Variants in VPS13B observed in about 807,000 individuals in gnomAD.
VPS13B encodes the protein vacuolar protein sorting 13 homolog B, also known as intermembrane lipid transfer protein VPS13B.
Under a neutral mutation model 426.4 loss-of-function variants are expected in VPS13B, and 285 were observed. That is an observed-to-expected ratio of 0.67 (90% CI 0.61 to 0.74). The LOEUF (loss-of-function observed/expected upper bound fraction) is 0.74, where lower values mean the gene tolerates loss of function less well. VPS13B is among the 30% of genes least tolerant of loss of function. The pLI is 0.00. For missense variants in VPS13B, 4,537 were observed against 4,782.6 expected (o/e 0.95, Z 1.51); for synonymous variants, 1,676 against 1,676.4 (o/e 1.00, Z 0.01).
chr8:99,135,021 A>G lies in VPS13B; in HGVS notation c.1309A>G (p.Met437Val). 1.2e-6 allele frequency: 2 copies of G among 1,613,522 alleles called. No homozygotes were observed. The highest frequency in any genetic ancestry group is 1.7e-6 in the Non-Finnish European group (2 of 1,179,560). The change falls in exon 10 of 62, where the codon ATG becomes GTG. Residue 437 changes from methionine to valine, a missense_variant. Coordinates refer to ENST00000357162, the MANE Select transcript of VPS13B (RefSeq NM_152564.5). ...EQEGTTVEAL[M>V]MGEPFFDCQI... ...GTTTCCTTTCGTCTTATAGGCCCTT[A>G]TGATGGGAGAACCTTTCTTTGATTG...
intron 19 of VPS13B, among the ~76,000 whole-genome samples, chr8:99,339,884 C>T (rs976001304): frequency 6.6e-6 from 1 of 152,112 alleles, no homozygotes; most frequent in Non-Finnish European, 1.5e-5. Flanking sequence ...CAGAGTTGCT[C>T]AGTCTCATCA....
chr8:99,208,541 T>C (rs1814870060), intron 17 of VPS13B, among the ~76,000 whole-genome samples: 1 of 152,164 alleles, frequency 6.6e-6, no homozygotes, highest in Non-Finnish European at 1.5e-5. Context: ...CATCTTCATA[T>C]TATATGTAAG....
intron 4 of VPS13B, among the ~76,000 whole-genome samples, chr8:99,096,837 A>G (rs1384768497): frequency 6.6e-6 from 1 of 151,964 alleles, no homozygotes; most frequent in Non-Finnish European, 1.5e-5. Context: ...TTTAAGCTAT[A>G]TGTGCATATG....
At chr8:99,100,219 C>G (rs1846655879) in intron 4 of VPS13B, among the ~76,000 whole-genome samples, 1 of 152,052 alleles carries the variant, frequency 6.6e-6, no homozygotes, top group Admixed American at 6.5e-5. Context: ...ATATTTGATT[C>G]TTTTACTTTG....
chr8:99,616,816 T>A (rs1334274401), intron 33 of VPS13B, among the ~76,000 whole-genome samples: 1 of 152,220 alleles, frequency 6.6e-6, no homozygotes, highest in African/African-American at 2.4e-5. Context: ...ATACACCAGA[T>A]ATAAATCTGT....
Position 99,611,565 on chromosome 8 carries a change from C to CA in VPS13B, c.5221-30237dup, listed in dbSNP as rs901548884. Among the ~76,000 whole-genome samples the CA allele has an allele frequency of 1.5e-4, 23 of 150,028 alleles. 2 individuals carry two copies. Among genetic ancestry groups the CA allele is most frequent in the African/African-American group, 4.6e-4 (19 of 40,950 alleles). Reference sequence around the variant, plus strand: ...ACAAATAAACCAAAAAACATACAAACAAAAAAAAACTCAAAGCTTTGGATG... The same window carrying CA: ...ACAAATAAACCAAAAAACATACAAACAAAAAAAAAACTCAAAGCTTTGGATG... On this transcript the variant is annotated intron_variant, in intron 33 of 61. Transcript: ENST00000357162.
chr8:99,438,561 C>A (rs1442733684), intron 22 of VPS13B, among the ~76,000 whole-genome samples: 1 of 152,078 alleles, frequency 6.6e-6, no homozygotes, highest in East Asian at 1.9e-4. Flanking sequence ...TTTTTAATGT[C>A]TTCTCTTGAC....
intron 23 of VPS13B, among the ~76,000 whole-genome samples, chr8:99,458,814 T>TATTAG (rs1308313264): frequency 6.6e-6 from 1 of 152,242 alleles, no homozygotes; most frequent in Non-Finnish European, 1.5e-5. Context: ...AGATTCTGGA[T>TATTAG]ATTAGCCCTT....
Position 99,135,080 on chromosome 8 carries a change from C to G in VPS13B, c.1368C>G (p.Cys456Trp). 1 of 1,613,368 alleles carries G rather than the reference C, an allele frequency of 6.2e-7. No homozygotes were observed. The highest frequency in any genetic ancestry group is 1.3e-5 in the African/African-American group (1 of 74,918). ...GGTTTGTTGGTTGCAGAGCCATGTGCCTTAAAGGAATTATGGGTGTTAAAG... is the reference window on the plus strand; with the variant it reads ...GGTTTGTTGGTTGCAGAGCCATGTGGCTTAAAGGAATTATGGGTGTTAAAG... ...QIGFVGCRAM[C>W]LKGIMGVKDF... The change falls in exon 10 of 62, where the codon TGC becomes TGG. Residue 456 changes from cysteine (C) to tryptophan (W), a missense_variant. By Grantham distance (215) the Cys-to-Trp change is radical (BLOSUM62 -2). Coordinates refer to ENST00000357162, the MANE Select transcript of VPS13B (RefSeq NM_152564.5).
chr8:99,254,834 G>A (rs1563629342), intron 17 of VPS13B, among the ~76,000 whole-genome samples: 1 of 151,856 alleles, frequency 6.6e-6, no homozygotes, highest in African/African-American at 2.4e-5. Context: ...TTAGAGACGG[G>A]GTTTCACCAT....
chr8:99,428,448 AC>A (rs1382741080), intron 21 of VPS13B, among the ~76,000 whole-genome samples: 2 of 152,230 alleles, frequency 1.3e-5, no homozygotes, highest in African/African-American at 4.8e-5. Context: ...CAAGAAAAAA[AC>A]AACCCCATCA....
chr8:99,523,391 T>A (rs1822480051), intron 30 of VPS13B, among the ~76,000 whole-genome samples: 2 of 152,190 alleles, frequency 1.3e-5, no homozygotes, highest in Admixed American at 1.3e-4. Flanking sequence ...CAGGCAGTGG[T>A]TACCACGGGC....
At chr8:99,073,632 A>G (rs895391123) in intron 3 of VPS13B, among the ~76,000 whole-genome samples, 7 of 146,608 alleles carry the variant, frequency 4.8e-5, no homozygotes, top group Non-Finnish European at 8.9e-5. Flanking sequence ...GTTTTTCTGT[A>G]TATAAGATCA....
At chr8:99,352,999 T>G (rs1383484353) in intron 19 of VPS13B, among the ~76,000 whole-genome samples, 1 of 152,046 alleles carries the variant, frequency 6.6e-6, no homozygotes, top group South Asian at 2.1e-4. Context: ...TATTATTTTT[T>G]GGAGACAGAG....
chr8:99,553,056 T>G (rs772839936), intron 30 of VPS13B, among the ~76,000 whole-genome samples: 16 of 152,134 alleles, frequency 1.1e-4, no homozygotes, highest in Non-Finnish European at 2.1e-4. Context: ...TGTCTTCTAT[T>G]AAATAGATTC....
At chr8:99,512,776 G>A (rs772970735) in intron 29 of VPS13B, among the ~76,000 whole-genome samples, 6 of 152,154 alleles carry the variant, frequency 3.9e-5, no homozygotes, top group Non-Finnish European at 5.9e-5. Flanking sequence ...TTGGGAGGCC[G>A]AGTCGGGCAG....
chr8:99,845,649 G>A (rs779786965), intron 54 of VPS13B, among the ~76,000 whole-genome samples: 3 of 152,178 alleles, frequency 2.0e-5, no homozygotes, highest in East Asian at 1.9e-4. Context: ...GCATAGCCAC[G>A]CCCAATGTCA....
Position 99,147,859 on chromosome 8 carries a change from A to C in VPS13B, c.1862A>C (p.Glu621Ala), listed in dbSNP as rs757378222. ...RLKSDIKDEN[E>A]TILNPEEVAL... ...ATTTTAGATATTAAGGATGAAAATG[A>C]AACAATACTGAATCCTGAAGAGGTG... Residue 621 changes from glutamate (E) to alanine (A), a missense_variant, in exon 14 of 62, where the codon GAA becomes GCA. By Grantham distance (107) the Glu-to-Ala change is moderately radical (BLOSUM62 -1). Transcript: ENST00000357162. 1 of 1,544,222 alleles carries C rather than the reference A, an allele frequency of 6.5e-7. No individual in the cohort carries two copies. Among genetic ancestry groups the C allele is most frequent in the Non-Finnish European group, 8.7e-7 (1 of 1,144,824 alleles).
chr8:99,771,023 T>A (rs1482946271), intron 40 of VPS13B, among the ~76,000 whole-genome samples: 2 of 152,184 alleles, frequency 1.3e-5, no homozygotes, highest in African/African-American at 2.4e-5. Context: ...TTCTGATGGA[T>A]CAGAACAATT....
Sources: gnomAD v4.1 joint callset for allele counts (sites outside exome capture counted in the v4.1 genomes callset) on GRCh38, gnomAD v4.1.1 for gene constraint, MANE v1.5 for transcripts, NCBI Gene and HGNC (gene_info 2026-07-23, HGNC 2026-07-21) for gene names.